PCDH15: variants seen among roughly 807,000 people sequenced by gnomAD.
PCDH15 encodes protocadherin-15.
PCDH15 carries 129 observed loss-of-function variants against 178.5 expected under a neutral mutation model. The observed-to-expected ratio is 0.72, with a 90% CI of 0.63 to 0.84. The LOEUF is 0.84. Ranked by LOEUF, PCDH15 falls within the 40% of genes least tolerant of loss-of-function variation. The pLI, the probability that PCDH15 is intolerant of heterozygous loss-of-function variation, is 0.00. For synonymous variants in PCDH15, 800 were observed against 732.0 expected, an observed-to-expected ratio of 1.09 and a Z score of -1.50; for missense variants, 2,230 against 2,099.9, an observed-to-expected ratio of 1.06 and a Z score of -1.21.
chr10:54,795,877 G>GGAT (rs1292869759), intron 1 of PCDH15, among the ~76,000 whole-genome samples: 3 of 151,890 alleles, frequency 2.0e-5, no homozygotes, highest in African/African-American at 7.2e-5. Context: ...TTGATGTCAA[G>GGAT]GATGATGATG....
intron 3 of PCDH15, among the ~76,000 whole-genome samples, chr10:54,851,294 C>A (rs1953617784): frequency 6.6e-6 from 1 of 151,758 alleles, no homozygotes; most frequent in African/African-American, 2.4e-5. Flanking sequence ...AAAAATTAGT[C>A]AAAAATGCTA....
At chr10:54,482,523 T>A (rs2078793267) in intron 3 of PCDH15, among the ~76,000 whole-genome samples, 1 of 151,772 alleles carries the variant, frequency 6.6e-6, no homozygotes. Context: ...GGTGTCCTTG[T>A]GAAAATGGAT....
intron 3 of PCDH15, among the ~76,000 whole-genome samples, chr10:54,417,971 A>C (rs781618788): frequency 1.3e-5 from 2 of 152,148 alleles, no homozygotes; most frequent in Non-Finnish European, 2.9e-5. Context: ...AGCTATTCAA[A>C]GGTGCAATAA....
intron 11 of PCDH15, among the ~76,000 whole-genome samples, chr10:54,193,269 G>A (rs922427212): frequency 2.6e-5 from 4 of 152,244 alleles, no homozygotes; most frequent in Non-Finnish European, 2.9e-5. Flanking sequence ...AGACAAGTAC[G>A]GGGTCACATA....
At chr10:55,383,558 T>C (rs1837586883) in intron 2 of PCDH15, among the ~76,000 whole-genome samples, 1 of 152,144 alleles carries the variant, frequency 6.6e-6, no homozygotes, top group South Asian at 2.1e-4. Context: ...AATTATGGAA[T>C]GACAGTTTCT....
chr10:55,544,764 G>A (rs1257683457), intron 2 of PCDH15, among the ~76,000 whole-genome samples: 1 of 152,064 alleles, frequency 6.6e-6, no homozygotes, highest in Non-Finnish European at 1.5e-5. Flanking sequence ...ACACAGGCAT[G>A]TGTGTGCACA....
At chr10:55,405,834 C>A (rs1309391926) in intron 2 of PCDH15, among the ~76,000 whole-genome samples, 1 of 150,898 alleles carries the variant, frequency 6.6e-6, no homozygotes, top group East Asian at 1.9e-4. Context: ...TACAAACAGA[C>A]ATAATAAGCA....
At chr10:53,812,870 G>T (rs572251978) in intron 35 of PCDH15, among the ~76,000 whole-genome samples, 1 of 152,078 alleles carries the variant, frequency 6.6e-6, no homozygotes, top group Non-Finnish European at 1.5e-5. Context: ...TAATTTTGTT[G>T]ATCCAGGAAT....
chr10:53,872,776 T>C (rs1317121099), intron 26 of PCDH15, among the ~76,000 whole-genome samples: 2 of 152,218 alleles, frequency 1.3e-5, no homozygotes, highest in African/African-American at 4.8e-5. Flanking sequence ...ATTCTTTCAG[T>C]CTTCTCCAGA....
chr10:54,141,830 G>T (rs1163657290), intron 14 of PCDH15, among the ~76,000 whole-genome samples: 1 of 152,150 alleles, frequency 6.6e-6, no homozygotes, highest in African/African-American at 2.4e-5. Flanking sequence ...TTAATCAGTT[G>T]TAAGTACTGT....
intron 21 of PCDH15, among the ~76,000 whole-genome samples, chr10:53,988,600 T>C (rs1156374294): frequency 6.6e-6 from 1 of 151,858 alleles, no homozygotes; most frequent in Non-Finnish European, 1.5e-5. Context: ...ATTTAGAGGG[T>C]GTTAAGGCCA....
intron 8 of PCDH15, 73 bp downstream of exon 8, chr10:54,317,198 C>T (rs925236275): frequency 6.6e-7 from 1 of 1,508,202 alleles, no homozygotes; most frequent in East Asian, 2.3e-5. Flanking sequence ...TATATGTCTA[C>T]AAAATACTTG....
At chr10:54,647,271 C>CA (rs1242245646) in intron 2 of PCDH15, among the ~76,000 whole-genome samples, 1 of 151,876 alleles carries the variant, frequency 6.6e-6, no homozygotes, top group Non-Finnish European at 1.5e-5. Context: ...TGCATGATAC[C>CA]AATCCTACAA....
At chr10:54,621,012 A>G (rs894085393) in intron 2 of PCDH15, among the ~76,000 whole-genome samples, 1 of 152,036 alleles carries the variant, frequency 6.6e-6, no homozygotes, top group Admixed American at 6.6e-5. Flanking sequence ...GAGGACACAA[A>G]AATAGCAAGC....
chr10:54,027,132 C>G (rs2093126288), intron 18 of PCDH15, among the ~76,000 whole-genome samples: 1 of 146,294 alleles, frequency 6.8e-6, no homozygotes, highest in Non-Finnish European at 1.5e-5. Context: ...CACAAGCATT[C>G]TTATACACCA....
chr10:54,618,527 T>C (rs1266078505), intron 2 of PCDH15, among the ~76,000 whole-genome samples: 1 of 152,118 alleles, frequency 6.6e-6, no homozygotes, highest in Non-Finnish European at 1.5e-5. Context: ...GCATAATGTA[T>C]AGCACAGAGT....
chr10:54,186,796 G>A (rs538935677), intron 11 of PCDH15, among the ~76,000 whole-genome samples: 10 of 152,030 alleles, frequency 6.6e-5, no homozygotes, highest in African/African-American at 2.4e-4. Context: ...TAACTAGAAA[G>A]CGGGATATTC....
chr10:54,362,840 G>A (rs1001455337), intron 5 of PCDH15, among the ~76,000 whole-genome samples: 6 of 151,928 alleles, frequency 3.9e-5, no homozygotes, highest in African/African-American at 7.2e-5. Context: ...TAAATAGACC[G>A]TAATTCATAT....
chr10:54,392,265 G>C (rs568013297), intron 3 of PCDH15, among the ~76,000 whole-genome samples: 1 of 138,538 alleles, frequency 7.2e-6, no homozygotes, highest in African/African-American at 2.7e-5. Flanking sequence ...AGGAGTTCAA[G>C]GTCAGTCTGG....
Sources: gnomAD v4.1 joint callset for allele counts (sites outside exome capture counted in the v4.1 genomes callset) on GRCh38, gnomAD v4.1.1 for gene constraint, MANE v1.5 for transcripts, NCBI Gene and HGNC (gene_info 2026-07-23, HGNC 2026-07-21) for gene names.